The following FAT3 variants were observed in gnomAD, a reference collection of about 807,000 sequenced individuals.
FAT3 encodes protocadherin Fat 3.
A neutral mutation model predicts 310.2 loss-of-function variants in FAT3; 95 were observed. That is an observed-to-expected ratio of 0.31 (90% CI 0.26 to 0.36). The LOEUF is 0.36. FAT3 is among the 10% of genes least tolerant of loss of function. The pLI is 1.00. For synonymous variants in FAT3, 2,314 were observed against 2,192.9 expected (o/e 1.06, Z -1.54); for missense variants, 5,408 against 5,715.6 (o/e 0.95, Z 1.74).
intron 1 of FAT3, among the ~76,000 whole-genome samples, chr11:92,238,284 A>G (rs1864520068): frequency 6.6e-6 from 1 of 152,146 alleles, no homozygotes; most frequent in African/African-American, 2.4e-5. Flanking sequence ...GTGCTTGTTT[A>G]AATGTGAAAC....
At chr11:92,671,918 C>A (rs1193588873) in intron 3 of FAT3, among the ~76,000 whole-genome samples, 1 of 151,952 alleles carries the variant, frequency 6.6e-6, no homozygotes, top group Non-Finnish European at 1.5e-5. Context: ...CCAGCCTGGA[C>A]AATATGGTGA....
chr11:92,506,812 T>G (rs903777660), intron 2 of FAT3, among the ~76,000 whole-genome samples: 4 of 152,192 alleles, frequency 2.6e-5, no homozygotes, highest in African/African-American at 9.6e-5. Context: ...AACATTGACC[T>G]GTATTGGTAT....
chr11:92,774,246 A>G, intron 7 of FAT3, 66 bp downstream of exon 7: 1 of 1,468,912 alleles, frequency 6.8e-7, no homozygotes, highest in South Asian at 1.4e-5. Flanking sequence ...GGTGCAAGCA[A>G]TGAAAAAAAA....
rs369335724 is a variant in FAT3 at position 92,572,224 on chromosome 11, G to A, written c.3607+47276G>A. On this transcript the variant is annotated intron_variant, in intron 3 of 27. Coordinates refer to ENST00000525166, the MANE Select transcript of FAT3 (RefSeq NM_001367949.2). ...AGCTCCAATTGAGTGATCTTACTGG[G>A]GGACCTATTATTTTCAAGATATGTA... 2.0e-5 allele frequency among the ~76,000 whole-genome samples: 3 copies of A among 152,076 alleles called. No individual in the cohort carries two copies. The South Asian group carries it at 6.2e-4, about 32-fold the overall frequency.
intron 2 of FAT3, among the ~76,000 whole-genome samples, chr11:92,502,775 C>T (rs1952980267): frequency 6.6e-6 from 1 of 152,032 alleles, no homozygotes. Flanking sequence ...ACCATTGAGG[C>T]TTTCCATAGA....
rs556276709 is a variant in FAT3 at position 92,490,344 on chromosome 11, T to A, written c.3293-34290T>A. On this transcript the variant is annotated intron_variant, in intron 2 of 27. Transcript: ENST00000525166. ...CTGCATTTAAAATATTACTACAGTG[T>A]TCACTGGAAAGAGGTCTGTTATTAC... Among the ~76,000 whole-genome samples the A allele has an allele frequency of 1.2e-4, 18 of 152,246 alleles. No individual in the cohort carries two copies. The South Asian group carries it at 3.7e-3, about 32-fold the overall frequency.
intron 24 of FAT3, among the ~76,000 whole-genome samples, chr11:92,885,985 G>A (rs1160604021): frequency 6.6e-6 from 1 of 152,176 alleles, no homozygotes; most frequent in Non-Finnish European, 1.5e-5. Context: ...GAAGAAACGT[G>A]ATTTCTGTGG....
chr11:92,850,042 G>C (rs1948782494), intron 19 of FAT3, among the ~76,000 whole-genome samples: 1 of 152,182 alleles, frequency 6.6e-6, no homozygotes, highest in Non-Finnish European at 1.5e-5. Flanking sequence ...CTTCTGTGAG[G>C]TAGTCAGACA....
Position 92,896,252 on chromosome 11 carries a change from G to A in FAT3, c.*5139G>A, listed in dbSNP as rs1465891292. The A allele has an allele frequency of 6.7e-6, 1 of 150,326 alleles. No homozygotes were observed. Among genetic ancestry groups the A allele is most frequent in the Non-Finnish European group, 1.5e-5 (1 of 67,766 alleles). 9.3% of individuals were successfully genotyped at this position (150,326 alleles called of 1,614,324 possible). On this transcript the variant is annotated 3_prime_UTR_variant, in exon 28 of 28. Coordinates refer to ENST00000525166, the MANE Select transcript of FAT3 (RefSeq NM_001367949.2). ...GTGGATTTTGTCCCTTAAGGAAATGGATTGTTCCTGCATATATTGCTGGTG... is the reference window on the plus strand; with the variant it reads ...GTGGATTTTGTCCCTTAAGGAAATGAATTGTTCCTGCATATATTGCTGGTG...
chr11:92,260,409 C>G (rs1425224689), intron 1 of FAT3, among the ~76,000 whole-genome samples: 1 of 152,056 alleles, frequency 6.6e-6, no homozygotes, highest in Non-Finnish European at 1.5e-5. Flanking sequence ...AGCTTTCTTA[C>G]TTGGTTATAG....
rs1198983594 is a variant in FAT3 at position 92,799,008 on chromosome 11, A to G, written c.5995A>G (p.Thr1999Ala). The change falls in exon 10 of 28, where the codon ACC becomes GCC. Residue 1999 changes from threonine to alanine, a missense_variant. Coordinates refer to ENST00000525166, the MANE Select transcript of FAT3 (RefSeq NM_001367949.2). ...TSISENNTNITKVAIVNAVGN... is the reference protein window; with the variant it reads ...TSISENNTNIAKVAIVNAVGN... Reference sequence around the variant, plus strand: ...AATCTCAGAGAACAACACTAACATAACCAAAGTTGCTATTGTCAATGCAGT... The same window carrying G: ...AATCTCAGAGAACAACACTAACATAGCCAAAGTTGCTATTGTCAATGCAGT... 2.5e-6 allele frequency: 4 copies of G among 1,613,774 alleles called. No individual in the cohort carries two copies. In the Admixed American group the frequency reaches 5.0e-5, roughly 20 times the overall value.
intron 4 of FAT3, among the ~76,000 whole-genome samples, chr11:92,747,764 A>ACAAAATGC (rs1391041363): frequency 5.3e-5 from 8 of 152,166 alleles, no homozygotes; most frequent in African/African-American, 1.9e-4. Flanking sequence ...TAGGGCAGGG[A>ACAAAATGC]CAAAATGCCA....
At chr11:92,493,165 T>C (rs1952657465) in intron 2 of FAT3, among the ~76,000 whole-genome samples, 1 of 152,076 alleles carries the variant, frequency 6.6e-6, no homozygotes, top group South Asian at 2.1e-4. Flanking sequence ...CCTGCACCAT[T>C]CTCCAGAAAT....
chr11:92,576,767 CAG>C (rs1173469672), intron 3 of FAT3, among the ~76,000 whole-genome samples: 4 of 152,066 alleles, frequency 2.6e-5, no homozygotes, highest in Non-Finnish European at 2.9e-5. Context: ...AAGGAAAAAA[CAG>C]AAAAACTTTC....
chr11:92,693,727 G>A (rs1943859502), intron 3 of FAT3, among the ~76,000 whole-genome samples: 1 of 152,138 alleles, frequency 6.6e-6, no homozygotes. Flanking sequence ...TGGTTTAGCT[G>A]ACCCTGGCTT....
chr11:92,392,879 G>A (rs1949780374), intron 2 of FAT3, among the ~76,000 whole-genome samples: 1 of 152,124 alleles, frequency 6.6e-6, no homozygotes, highest in Non-Finnish European at 1.5e-5. Flanking sequence ...TTTGTTGATT[G>A]ACTGAATGAA....
intron 3 of FAT3, among the ~76,000 whole-genome samples, chr11:92,600,391 A>T (rs1939957141): frequency 6.6e-6 from 1 of 152,200 alleles, no homozygotes; most frequent in Non-Finnish European, 1.5e-5. Context: ...TTGGGGAGAG[A>T]AGACTTACGT....
At chr11:92,271,784 C>T (rs1946129817) in intron 1 of FAT3, among the ~76,000 whole-genome samples, 1 of 152,170 alleles carries the variant, frequency 6.6e-6, no homozygotes, top group Admixed American at 6.6e-5. Flanking sequence ...CCCCATTCAT[C>T]TGAAGAAGCT....
intron 3 of FAT3, among the ~76,000 whole-genome samples, chr11:92,684,498 C>T (rs2135868146): frequency 6.6e-6 from 1 of 152,254 alleles, no homozygotes; most frequent in South Asian, 2.1e-4. Context: ...GTTTCTGAAA[C>T]AGGAGGAAAA....
Sources: gnomAD v4.1 joint callset for allele counts (sites outside exome capture counted in the v4.1 genomes callset) on GRCh38, gnomAD v4.1.1 for gene constraint, MANE v1.5 for transcripts, NCBI Gene and HGNC (gene_info 2026-07-23, HGNC 2026-07-21) for gene names.